BDP1: variants seen among roughly 807,000 people sequenced by gnomAD.
The protein encoded by BDP1 is transcription factor TFIIIB component B'' homolog.
In BDP1, 169 loss-of-function variants were observed where a neutral mutation model predicts 266.6. The ratio of observed to expected loss-of-function variants is 0.63; its 90% CI spans 0.56 to 0.72. BDP1 has a LOEUF of 0.72. Among genes scored for constraint, BDP1 ranks in the 30% least tolerant of loss-of-function variants. The pLI is 0.00. For missense variants in BDP1, 3,015 were observed against 3,053.8 expected (o/e 0.99, Z 0.30); for synonymous variants, 1,090 against 1,022.4 (o/e 1.07, Z -1.26).
At chr5:71,555,119 A>G (rs898267123) in intron 35 of BDP1, among the ~76,000 whole-genome samples, 3 of 152,198 alleles carry the variant, frequency 2.0e-5, no homozygotes, top group African/African-American at 7.2e-5. Flanking sequence ...CTTTTTGTGT[A>G]TGGCTTCTGG....
Position 71,489,412 on chromosome 5 carries a change from G to A in BDP1, c.1222G>A (p.Val408Ile), listed in dbSNP as rs1486766211. ...KPRKNVKVKK[V>I]ACEGVNNDPD... The stretch of plus-strand genomic sequence containing the variant: ...ATTTCTCTTGTTTTCAGTGAAAAAA[G>A]TTGCCTGTGAAGGAGTGAATAATGA... Residue 408 changes from valine to isoleucine, a missense_variant, in exon 10 of 39, where the codon GTT (valine) becomes ATT (isoleucine). By Grantham distance (29) the Val-to-Ile change is conservative. Around this residue, in one of 3 missense-constraint regions of BDP1, gnomAD observed 2,383 missense variants for 2,404.9 expected, o/e 0.99. Coordinates refer to ENST00000358731, the MANE Select transcript of BDP1 (RefSeq NM_018429.3). 2 of 1,579,152 alleles carry A rather than the reference G, an allele frequency of 1.3e-6. No individual in the cohort carries two copies. The highest frequency in any genetic ancestry group is 2.0e-5 in the Admixed American group (1 of 49,962).
chr5:71,522,341 T>A lies in BDP1; in HGVS notation c.5044T>A (p.Phe1682Ile). Residue 1682 changes from phenylalanine (F) to isoleucine (I), a missense_variant, in exon 23 of 39, where the codon TTC becomes ATC. By Grantham distance (21) the Phe-to-Ile change is conservative. This residue lies in a region of BDP1 where 2,383 missense variants were observed against 2,404.9 expected (regional missense o/e 0.99). Coordinates refer to ENST00000358731, the MANE Select transcript of BDP1 (RefSeq NM_018429.3). Reference protein sequence around the residue: ...PSSAQMTRRKFQKAKPNLGRA... With the variant: ...PSSAQMTRRKIQKAKPNLGRA... ...TTCAGCACAAATGACAAGAAGGAAA[T>A]TCCAAAAGGCTAAGCCAAATTTGGG... 1 of 1,613,906 alleles carries A rather than the reference T, an allele frequency of 6.2e-7. No homozygotes were observed. Among genetic ancestry groups the A allele is most frequent in the African/African-American group, 1.3e-5 (1 of 74,968 alleles).
intron 13 of BDP1, among the ~76,000 whole-genome samples, chr5:71,501,164 A>C (rs1272860513): frequency 6.6e-6 from 1 of 152,100 alleles, no homozygotes; most frequent in Non-Finnish European, 1.5e-5. Context: ...TAGAAGTACA[A>C]AAAATGAAGT....
chr5:71,484,393 C>G (rs10942533), intron 8 of BDP1, among the ~76,000 whole-genome samples: 123,156 of 151,994 alleles, frequency 0.81, 50,129 homozygotes, highest in East Asian at 0.88. Context: ...GATTGGATGG[C>G]GGAAGAAATA....
intron 34 of BDP1, among the ~76,000 whole-genome samples, chr5:71,552,239 C>T (rs1234080459): frequency 2.7e-5 from 4 of 150,264 alleles, no homozygotes; most frequent in Non-Finnish European, 4.4e-5. Context: ...GGGGCAGAGG[C>T]GCCCCCCACA....
chr5:71,561,271 C>T (rs936185880), intron 37 of BDP1, among the ~76,000 whole-genome samples: 1 of 152,098 alleles, frequency 6.6e-6, no homozygotes, highest in Admixed American at 6.5e-5. Flanking sequence ...CATGTTGGCA[C>T]ATGCCTGTAA....
At chr5:71,535,779 C>A (rs1766561050) in intron 26 of BDP1, among the ~76,000 whole-genome samples, 2 of 152,070 alleles carry the variant, frequency 1.3e-5, no homozygotes, top group Non-Finnish European at 2.9e-5. Context: ...AGCATACTTC[C>A]ACCCTCTGCC....
intron 7 of BDP1, among the ~76,000 whole-genome samples, chr5:71,482,457 C>T (rs184082757): frequency 1.3e-5 from 2 of 152,228 alleles, no homozygotes; most frequent in East Asian, 1.9e-4. Flanking sequence ...AAAAGTCATT[C>T]GTGGTGGAGT....
At chr5:71,477,123 A>G (rs1260323975) in intron 7 of BDP1, among the ~76,000 whole-genome samples, 4 of 151,212 alleles carry the variant, frequency 2.6e-5, no homozygotes, top group Non-Finnish European at 4.4e-5. Flanking sequence ...CGGGGATTAT[A>G]GGCATGAGCC....
chr5:71,472,953 G>C (rs1762352831), intron 7 of BDP1, among the ~76,000 whole-genome samples: 1 of 136,666 alleles, frequency 7.3e-6, no homozygotes, highest in Non-Finnish European at 1.5e-5. Flanking sequence ...GGAGTGCAGT[G>C]GTGCTATCAT....
chr5:71,542,429 A>G (rs1056584830), intron 30 of BDP1, among the ~76,000 whole-genome samples, 164 bp downstream of exon 30: 11 of 152,190 alleles, frequency 7.2e-5, no homozygotes, highest in African/African-American at 2.7e-4. Flanking sequence ...AAATCTACCA[A>G]TTGGTTTTAG....
intron 12 of BDP1, among the ~76,000 whole-genome samples, chr5:71,496,438 A>ATTTTTTT (rs10682137): frequency 2.2e-5 from 3 of 138,650 alleles, no homozygotes; most frequent in Admixed American, 7.3e-5. Flanking sequence ...ACATTTATGA[A>ATTTTTTT]TTTTTTTTTT....
intron 25 of BDP1, among the ~76,000 whole-genome samples, chr5:71,528,880 A>G (rs1220051675): frequency 6.6e-6 from 1 of 152,222 alleles, no homozygotes; most frequent in Non-Finnish European, 1.5e-5. Flanking sequence ...TTAGCTATAT[A>G]TTTTGTATTT....
At chr5:71,502,823 G>A (rs141145539) in intron 15 of BDP1, 32 bp downstream of exon 15, 1 of 1,564,406 alleles carries the variant, frequency 6.4e-7, no homozygotes, top group Admixed American at 1.8e-5. Flanking sequence ...CACATTTTTG[G>A]TAAGCAAGTA....
intron 14 of BDP1, among the ~76,000 whole-genome samples, chr5:71,501,997 C>T (rs1764268648): frequency 6.6e-6 from 1 of 152,160 alleles, no homozygotes; most frequent in South Asian, 2.1e-4. Flanking sequence ...ATTCTGGGCT[C>T]TTCCAGGGGT....
intron 7 of BDP1, among the ~76,000 whole-genome samples, chr5:71,471,820 A>G (rs148023642): frequency 3.9e-5 from 6 of 152,344 alleles, no homozygotes; most frequent in African/African-American, 1.4e-4. Flanking sequence ...TAATAAAAGG[A>G]ACCATTAGGA....
intron 29 of BDP1, 23 bp from the exon 30 acceptor site, chr5:71,542,082 A>T: frequency 6.3e-7 from 1 of 1,579,704 alleles, no homozygotes; most frequent in East Asian, 2.2e-5. Flanking sequence ...TGATTCATGA[A>T]TTTCTCTATC....
chr5:71,527,188 G>A (rs893326952), intron 25 of BDP1, among the ~76,000 whole-genome samples: 4 of 151,824 alleles, frequency 2.6e-5, no homozygotes, highest in African/African-American at 7.3e-5. Flanking sequence ...CCCAAAGTGC[G>A]GGGATTACAG....
Position 71,524,408 on chromosome 5 carries a change from G to C in BDP1, c.5772+85G>C, listed in dbSNP as rs1002502277. 4.5e-6 allele frequency: 6 copies of C among 1,331,752 alleles called. No individual in the cohort carries two copies. In the Admixed American group the frequency reaches 1.2e-4, roughly 26 times the overall value. 82.5% of individuals were successfully genotyped at this position (1,331,752 alleles called of 1,614,324 possible). On this transcript the variant is annotated intron_variant, in intron 25 of 38. Transcript: ENST00000358731. ...TTTTAGGGGATCATTATTTCTTCTC[G>C]TAGTGATTATTAGGATTTGAAGAGT...
Sources: gnomAD v4.1 joint callset for allele counts (sites outside exome capture counted in the v4.1 genomes callset) on GRCh38, gnomAD v4.1.1 for gene constraint, gnomAD v4.1.1 regional missense constraint, MANE v1.5 for transcripts, NCBI Gene and HGNC (gene_info 2026-07-23, HGNC 2026-07-21) for gene names.